The following ANKRD36C variants were observed in gnomAD, a reference collection of about 807,000 sequenced individuals.
The protein encoded by ANKRD36C is ankyrin repeat domain 36C, also known as ankyrin repeat domain-containing protein 36C.
ANKRD36C carries 61 observed loss-of-function variants against 276.4 expected under a neutral mutation model. The observed-to-expected ratio is 0.22, with a 90% CI of 0.18 to 0.27. The LOEUF is 0.27. Ranked by LOEUF, ANKRD36C falls within the 10% of genes least tolerant of loss-of-function variation. The pLI is 1.00. For synonymous variants in ANKRD36C, 483 were observed against 680.1 expected, an observed-to-expected ratio of 0.71 and a Z score of 4.51; for missense variants, 1,447 against 2,032.3, an observed-to-expected ratio of 0.71 and a Z score of 5.54.
intron 13 of ANKRD36C, among the ~76,000 whole-genome samples, chr2:95,955,946 G>A (rs567145421): frequency 1.3e-3 from 195 of 151,870 alleles, no homozygotes; most frequent in Non-Finnish European, 1.8e-3. Flanking sequence ...TACAAAAGAA[G>A]GTCTTAAACC....
chr2:95,860,546 A>G (rs1675550644), intron 60 of ANKRD36C, among the ~76,000 whole-genome samples: 1 of 152,200 alleles, frequency 6.6e-6, no homozygotes, highest in Non-Finnish European at 1.5e-5. Flanking sequence ...ACAGATACTG[A>G]TTTTTCAACT....
In ANKRD36C at chr2:95,875,078, G is replaced by A. The variant is rs531600890; in HGVS notation, c.3540+1361C>T. Among the ~76,000 whole-genome samples the A allele has an allele frequency of 5.3e-3, 806 of 152,270 alleles. 4 individuals carry two copies. The highest frequency in any genetic ancestry group is 0.018 in the African/African-American group (761 of 41,550). ...GAAATAGCAACACTTTTACACTGTT[G>A]GTGGGACTGTAAACTAGTTCAACCA... On this transcript the variant is annotated intron_variant, in intron 59 of 66. Transcript: ENST00000456556.
At chr2:95,914,132 C>T (rs769670173) in exon 40 of ANKRD36C, 3 of 1,578,668 alleles carry the variant, frequency 1.9e-6, no homozygotes, top group African/African-American at 1.3e-5. Flanking sequence ...TCTCCATCCT[C>T]TTTTCCTCTG....
At chr2:95,855,869 C>T in exon 63 of ANKRD36C, 1 of 1,613,862 alleles carries the variant, frequency 6.2e-7, no homozygotes, top group Non-Finnish European at 8.5e-7. Context: ...GGTATGATTG[C>T]ATTTCTGTTT....
chr2:95,853,098 T>C (rs1241082917), intron 64 of ANKRD36C: 1 of 152,290 alleles, frequency 6.6e-6, no homozygotes, highest in East Asian at 1.9e-4. Context: ...TGTTGGCAAA[T>C]GCGAACTGTC....
chr2:95,943,203 G>C (rs1677942083), intron 19 of ANKRD36C, among the ~76,000 whole-genome samples: 1 of 152,310 alleles, frequency 6.6e-6, no homozygotes, highest in Non-Finnish European at 1.5e-5. Context: ...ACCAGAAATG[G>C]CTAGGCGTGG....
At chr2:95,869,335 A>G (rs569706761) in intron 59 of ANKRD36C, among the ~76,000 whole-genome samples, 1 of 152,188 alleles carries the variant, frequency 6.6e-6, no homozygotes, top group Admixed American at 6.5e-5. Context: ...TTATGTGTTA[A>G]ATTTCCCAAA....
At chr2:95,882,951 G>C (rs1024279292) in intron 54 of ANKRD36C, among the ~76,000 whole-genome samples, 11 of 152,212 alleles carry the variant, frequency 7.2e-5, no homozygotes, top group Middle Eastern at 3.4e-3. Flanking sequence ...GGTAATTGAG[G>C]AGGTACACAA....
chr2:95,938,529 A>G (rs1344413066), intron 22 of ANKRD36C, among the ~76,000 whole-genome samples: 5 of 152,278 alleles, frequency 3.3e-5, no homozygotes, highest in Non-Finnish European at 5.9e-5. Context: ...GAAGCACTGA[A>G]AATATTTAGT....
chr2:95,889,814 G>T (rs1210357231), exon 48 of ANKRD36C: 6 of 1,592,628 alleles, frequency 3.8e-6, no homozygotes, highest in Middle Eastern at 3.3e-4. Flanking sequence ...CCAGATATTT[G>T]TTCATCCTTT....
chr2:95,972,675 C>T (rs1187051267), intron 6 of ANKRD36C, among the ~76,000 whole-genome samples: 2 of 152,140 alleles, frequency 1.3e-5, no homozygotes, highest in African/African-American at 2.4e-5. Flanking sequence ...CCTCTGACTA[C>T]GATCAGAAGG....
At chr2:95,921,476 C>T in intron 34 of ANKRD36C, 131 bp downstream of exon 34, 2 of 1,303,556 alleles carry the variant, frequency 1.5e-6, no homozygotes, top group Non-Finnish European at 2.1e-6. Context: ...AATGAAGACT[C>T]TCAGGCCTAC....
At chr2:95,921,513 G>A in intron 34 of ANKRD36C, 94 bp downstream of exon 34, 2 of 1,492,762 alleles carry the variant, frequency 1.3e-6, no homozygotes, top group Non-Finnish European at 1.8e-6. Context: ...GCTTCGGCGA[G>A]CCCCCCCACC....
chr2:95,951,482 C>A (rs1422052877), intron 14 of ANKRD36C, 74 bp from the exon 15 acceptor site: 3 of 1,124,974 alleles, frequency 2.7e-6, no homozygotes, highest in African/African-American at 3.1e-5. Flanking sequence ...ACCATTACTA[C>A]GTGATCTAAC....
chr2:95,915,496 C>T (rs1677065763), intron 38 of ANKRD36C, among the ~76,000 whole-genome samples: 1 of 151,452 alleles, frequency 6.6e-6, no homozygotes, highest in Non-Finnish European at 1.5e-5. Context: ...AAATGACTTC[C>T]TCTTTTCCCA....
chr2:95,863,455 C>T (rs1290417160), intron 60 of ANKRD36C, among the ~76,000 whole-genome samples: 2 of 152,064 alleles, frequency 1.3e-5, no homozygotes, highest in African/African-American at 2.4e-5. Flanking sequence ...CCAAAAGAAA[C>T]AGAAAGAAGG....
intron 22 of ANKRD36C, among the ~76,000 whole-genome samples, chr2:95,937,666 TGG>T (rs1359283378): frequency 0.043 from 4,495 of 104,622 alleles, no homozygotes; most frequent in African/African-American, 0.07. Context: ...AATGATACTT[TGG>T]CCATTTCTTC....
At chr2:95,903,071 C>T in intron 42 of ANKRD36C, 1 of 1,568,510 alleles carries the variant, frequency 6.4e-7, no homozygotes, top group South Asian at 1.2e-5. Flanking sequence ...CTGGTGGTTG[C>T]TCTGAAGACA....
chr2:95,893,561 T>C (rs557477365), intron 44 of ANKRD36C: 9 of 1,556,682 alleles, frequency 5.8e-6, no homozygotes, highest in African/African-American at 1.4e-5. Context: ...CATCCTTTTT[T>C]TCTCTGGCTA....
Sources: gnomAD v4.1 joint callset for allele counts (sites outside exome capture counted in the v4.1 genomes callset) on GRCh38, gnomAD v4.1.1 for gene constraint, MANE v1.5 for transcripts, NCBI Gene and HGNC (gene_info 2026-07-23, HGNC 2026-07-21) for gene names.